The following TET2 variants were observed in gnomAD, a reference collection of about 807,000 sequenced individuals.
TET2 encodes methylcytosine dioxygenase TET2.
Under a neutral mutation model 142.9 loss-of-function variants are expected in TET2, and 299 were observed. That is an observed-to-expected ratio of 2.09 (90% CI 1.90 to 2.30). The LOEUF (loss-of-function observed/expected upper bound fraction) is 2.30. TET2 is among the 30% of genes most tolerant of loss of function. The pLI, the probability that TET2 is intolerant of heterozygous loss-of-function variation, is 0.00. For missense variants in TET2, 2,418 were observed against 2,378.0 expected (o/e 1.02, Z -0.35); for synonymous variants, 819 against 849.0 (o/e 0.96, Z 0.61).
chr4:105,181,638 T>G (rs575177505), intron 1 of TET2, among the ~76,000 whole-genome samples: 16 of 152,310 alleles, frequency 1.1e-4, no homozygotes, highest in Admixed American at 1.0e-3. Context: ...GCCCCAAATA[T>G]TTTTTACTTA....
intron 1 of TET2, among the ~76,000 whole-genome samples, chr4:105,176,889 T>C (rs1244255482): frequency 1.3e-5 from 2 of 152,086 alleles, no homozygotes; most frequent in African/African-American, 4.8e-5. Context: ...AGATAATCAA[T>C]GTAGTGGGTA....
At chr4:105,247,625 T>C (rs556943412) in intron 6 of TET2, among the ~76,000 whole-genome samples, 1 of 104,060 alleles carries the variant, frequency 9.6e-6, no homozygotes, top group African/African-American at 5.1e-5. Context: ...TTTGGCCGAT[T>C]TCATCTTGGT....
intron 6 of TET2, among the ~76,000 whole-genome samples, chr4:105,254,734 A>G (rs1293160768): frequency 6.6e-6 from 1 of 152,174 alleles, no homozygotes; most frequent in East Asian, 1.9e-4. Context: ...CTTTTTAGGA[A>G]CAATAGAATG....
In TET2 at chr4:105,234,146, A is replaced by G. The variant is rs1728681682; in HGVS notation, c.204A>G (p.Gly68=). 2 of 1,614,068 alleles carry G rather than the reference A, an allele frequency of 1.2e-6. No individual in the cohort carries two copies. The highest frequency in any genetic ancestry group is 1.7e-6 in the Non-Finnish European group (2 of 1,180,028). ...KSYYGIPCMK[G]SQNSRVSPDF... ...ATTATGGAATACCCTGTATGAAGGG[A>G]AGCCAGAATAGTCGTGTGAGTCCTG... Residue 68 remains glycine, a synonymous_variant, in exon 3 of 11, where the codon GGA becomes GGG. Transcript: ENST00000380013.
rs1389529147 is a variant in TET2, at chr4:105,275,037, C to T, written c.4538-11C>T. On this transcript the variant is annotated splice_polypyrimidine_tract_variant and intron_variant, in intron 10 of 10. Transcript: ENST00000380013. Reference sequence around the variant, plus strand: ...GATACCTGTTTCTGTTCTCTCTTACCCTGTCCACAGAACTTTTGCGACTTT... The same window carrying T: ...GATACCTGTTTCTGTTCTCTCTTACTCTGTCCACAGAACTTTTGCGACTTT... The T allele has an allele frequency of 2.0e-6, 3 of 1,513,202 alleles. No individual in the cohort carries two copies. Among genetic ancestry groups the T allele is most frequent in the Non-Finnish European group, 2.7e-6 (3 of 1,130,618 alleles). The allele number at this position is 1,513,202 out of a possible 1,614,324, so 93.7% of individuals were successfully genotyped here.
intron 2 of TET2, among the ~76,000 whole-genome samples, chr4:105,203,371 C>T (rs1726590376): frequency 6.6e-6 from 1 of 152,044 alleles, no homozygotes; most frequent in Admixed American, 6.5e-5. Flanking sequence ...TATGTATTTA[C>T]TGGGAAAAAA....
intron 8 of TET2, among the ~76,000 whole-genome samples, chr4:105,267,894 C>G (rs1578729391): frequency 6.6e-6 from 1 of 151,736 alleles, no homozygotes; most frequent in African/African-American, 2.4e-5. Flanking sequence ...ACAGAAAAAC[C>G]ATTTGATAAT....
At chr4:105,163,556 C>T (rs1230960060) in intron 1 of TET2, among the ~76,000 whole-genome samples, 1 of 152,096 alleles carries the variant, frequency 6.6e-6, no homozygotes, top group African/African-American at 2.4e-5. Flanking sequence ...AAGTACCATG[C>T]TAAGCACTTT....
chr4:105,242,583 C>T lies in TET2; in HGVS notation c.3501-251C>T, dbSNP rs532315439. 13 of 1,208,036 alleles carry T rather than the reference C, an allele frequency of 1.1e-5. No individual in the cohort carries two copies. The South Asian group carries it at 3.9e-4, about 36-fold the overall frequency. 74.8% of individuals were successfully genotyped at this position (1,208,036 alleles called of 1,614,324 possible). ...AATTTTATATCGAAATGAGCTTTCC[C>T]ATTTTCACCCACATGTAATTTACAA... On this transcript the variant is annotated intron_variant, in intron 4 of 10. Transcript: ENST00000380013.
rs891778067 is a variant in TET2, at chr4:105,276,274, G to T, written c.5764G>T (p.Ala1922Ser). The T allele has an allele frequency of 1.3e-6, 2 of 1,551,632 alleles. No homozygotes were observed. The highest frequency in any genetic ancestry group is 2.4e-5 in the South Asian group (2 of 84,062). ...CTTGGCTCTTTGGGAAGCCAAAATG[G>T]CTGAAAAAGCCCGTGAGAAAGAGGA... ...HGLALWEAKMAEKAREKEEEC... is the reference protein window; with the variant it reads ...HGLALWEAKMSEKAREKEEEC... The change falls in exon 11 of 11, where the codon GCT becomes TCT. Residue 1922 changes from alanine (A) to serine (S), a missense_variant. By Grantham distance (99) the Ala-to-Ser change is moderately conservative. Transcript: ENST00000380013.
Position 105,278,513 on chromosome 4 carries a change from C to T in TET2, c.*1994C>T, listed in dbSNP as rs1316657841. On this transcript the variant is annotated 3_prime_UTR_variant, in exon 11 of 11. Transcript: ENST00000380013. ...AGGGATATTTCAGCTCATGCTCTCC[C>T]TATGCCAACATGTCACCTGTGTTTA... 1 of 230,128 alleles carries T rather than the reference C, an allele frequency of 4.3e-6. No individual in the cohort carries two copies. Among genetic ancestry groups the T allele is most frequent in the Admixed American group, 5.7e-5 (1 of 17,664 alleles). The allele number at this position is 230,128 out of a possible 1,614,324, so 14.3% of individuals were successfully genotyped here.
At chr4:105,243,506 AGTGACCCTTGTT>A in intron 5 of TET2, 52 bp from the exon 6 acceptor site, 1 of 1,444,556 alleles carries the variant, frequency 6.9e-7, no homozygotes, top group Non-Finnish European at 9.5e-7. Flanking sequence ...ATCTGCTGCA[AGTGACCCTTGTT>A]TTGTTTTGGT....
At chr4:105,204,202 AAC>A (rs1726658139) in intron 2 of TET2, among the ~76,000 whole-genome samples, 1 of 146,256 alleles carries the variant, frequency 6.8e-6, no homozygotes, top group South Asian at 2.2e-4. Flanking sequence ...CGTCTCAAAA[AAC>A]AAAAACAAAC....
In TET2 at chr4:105,236,938, A is replaced by G. The variant is rs747144147; in HGVS notation, c.2996A>G (p.Glu999Gly). The change falls in exon 3 of 11, where the codon GAA becomes GGA. Residue 999 changes from glutamate (E) to glycine (G), a missense_variant. Coordinates refer to ENST00000380013, the MANE Select transcript of TET2 (RefSeq NM_001127208.3). ...GCCTGTATGCACACAGCACCACCAG[A>G]AAACAAAACATGGAAAAAGGTAACT... ...PHACMHTAPP[E>G]NKTWKKVTKQ... 13 of 1,614,174 alleles carry G rather than the reference A, an allele frequency of 8.1e-6. 1 individual carries two copies. Among genetic ancestry groups the G allele is most frequent in the Middle Eastern group, 1.6e-4 (1 of 6,062 alleles).
At chr4:105,241,894 T>C (rs983810017) in intron 4 of TET2, 1 of 1,245,716 alleles carries the variant, frequency 8.0e-7, no homozygotes, top group Non-Finnish European at 1.0e-6. Context: ...AGAGAGCAAG[T>C]GTGATATGTT....
rs376597146 is a variant in TET2, at chr4:105,234,779, C to T, written c.837C>T (p.Thr279=). ...HTSGQINSAQ[T]SNSELPPKPA... is the part of the protein sequence containing the mutation. ...CAGGGCAGATCAATTCCGCACAGAC[C>T]TCTAACTCTGAGCTGCCTCCAAAGC... The change falls in exon 3 of 11, where the codon ACC becomes ACT. Residue 279 remains threonine, a synonymous_variant. Coordinates refer to ENST00000380013, the MANE Select transcript of TET2 (RefSeq NM_001127208.3). 41 of 1,613,882 alleles carry T rather than the reference C, an allele frequency of 2.5e-5. No homozygotes were observed. In the Admixed American group the frequency reaches 3.2e-4, roughly 12 times the overall value.
intron 8 of TET2, among the ~76,000 whole-genome samples, chr4:105,266,169 A>G (rs1730672172): frequency 6.6e-6 from 1 of 152,184 alleles, no homozygotes; most frequent in Admixed American, 6.5e-5. Context: ...CAGGACCTGG[A>G]ATAGTTCTTG....
chr4:105,212,969 G>C (rs1006312115), intron 2 of TET2, among the ~76,000 whole-genome samples: 1 of 151,992 alleles, frequency 6.6e-6, no homozygotes, highest in Non-Finnish European at 1.5e-5. Flanking sequence ...TAGCCTGGTC[G>C]ACAGAGTGAG....
intron 1 of TET2, among the ~76,000 whole-genome samples, chr4:105,178,853 A>G (rs1724959411): frequency 2.0e-5 from 3 of 152,204 alleles, no homozygotes; most frequent in African/African-American, 7.2e-5. Flanking sequence ...GTATCAGTTC[A>G]TTTTCATACT....
Sources: gnomAD v4.1 joint callset for allele counts (sites outside exome capture counted in the v4.1 genomes callset) on GRCh38, gnomAD v4.1.1 for gene constraint, MANE v1.5 for transcripts, NCBI Gene and HGNC (gene_info 2026-07-23, HGNC 2026-07-21) for gene names.